PRELID2: variants seen among roughly 807,000 people sequenced by gnomAD.
The protein encoded by PRELID2 is PRELI domain containing 2.
PRELID2 carries 25 observed loss-of-function variants against 28.4 expected under a neutral mutation model. The observed-to-expected ratio is 0.88, with a 90% CI of 0.64 to 1.23. PRELID2 has a LOEUF of 1.23. PRELID2 is among the 50% of genes most tolerant of loss of function. The probability of loss-of-function intolerance (pLI) is 0.00; values close to 1 mark genes in which losing one functional copy is unlikely to be tolerated. For missense variants in PRELID2, 201 were observed against 214.4 expected, an observed-to-expected ratio of 0.94 and a Z score of 0.39; for synonymous variants, 76 against 71.6, an observed-to-expected ratio of 1.06 and a Z score of -0.31.
chr5:145,591,055 G>T (rs539121329), intron 1 of PRELID2, among the ~76,000 whole-genome samples: 1 of 152,254 alleles, frequency 6.6e-6, no homozygotes, highest in African/African-American at 2.4e-5. Flanking sequence ...CAGCACTTCA[G>T]GAGGCTGAGG....
At chr5:145,372,297 G>A in the PRELID2 span, among the ~76,000 whole-genome samples, 19 of 152,214 alleles carry the variant, frequency 1.2e-4, no homozygotes, top group Middle Eastern at 3.4e-3. Context: ...TTATTGCACT[G>A]TGGTCTAAGA....
the PRELID2 span, among the ~76,000 whole-genome samples, chr5:145,300,972 A>G: frequency 5.3e-5 from 8 of 152,008 alleles, no homozygotes; most frequent in Non-Finnish European, 1.0e-4. Context: ...CATTATGTAA[A>G]ATAGATTTTT....
intron 1 of PRELID2, among the ~76,000 whole-genome samples, chr5:145,740,902 A>ATAAAG (rs1491480453): frequency 1.2e-5 from 1 of 80,354 alleles, no homozygotes; most frequent in African/African-American, 4.2e-5. Context: ...TTATCGATAA[A>ATAAAG]TATATATGTA....
At chr5:145,237,981 C>A in the PRELID2 span, among the ~76,000 whole-genome samples, 8 of 152,116 alleles carry the variant, frequency 5.3e-5, no homozygotes, top group South Asian at 1.2e-3. Context: ...CTAGCTTACT[C>A]GAGGTTAGGC....
At chr5:145,589,706 T>C (rs940326635) in intron 1 of PRELID2, among the ~76,000 whole-genome samples, 3 of 152,172 alleles carry the variant, frequency 2.0e-5, no homozygotes, top group African/African-American at 7.2e-5. Context: ...TGAAGACATT[T>C]TTCTAACTGT....
At chr5:145,676,969 TGA>T (rs1320473438) in intron 1 of PRELID2, among the ~76,000 whole-genome samples, 1 of 152,042 alleles carries the variant, frequency 6.6e-6, no homozygotes, top group Non-Finnish European at 1.5e-5. Context: ...TTAAAATATA[TGA>T]GTCTTATTTT....
intron 1 of PRELID2, among the ~76,000 whole-genome samples, chr5:145,641,193 C>T (rs1217223854): frequency 1.3e-5 from 2 of 151,824 alleles, no homozygotes; most frequent in African/African-American, 4.8e-5. Context: ...AACAAAAAGA[C>T]ACCATCAATA....
At chr5:145,302,187 T>C in the PRELID2 span, among the ~76,000 whole-genome samples, 24,493 of 151,952 alleles carry the variant, frequency 0.16, 3,184 homozygotes, top group African/African-American at 0.37. Context: ...TCTGAGACAG[T>C]CTCACTTTGT....
the PRELID2 span, among the ~76,000 whole-genome samples, chr5:145,429,161 A>G: frequency 6.6e-6 from 1 of 152,182 alleles, no homozygotes; most frequent in Non-Finnish European, 1.5e-5. Context: ...AGAAGCAAGG[A>G]TAGAGATGGG....
chr5:145,734,917 T>C (rs1236424409), intron 1 of PRELID2, among the ~76,000 whole-genome samples: 3 of 152,184 alleles, frequency 2.0e-5, no homozygotes, highest in African/African-American at 4.8e-5. Flanking sequence ...AGTTTCTCTA[T>C]TTCCCAGAAG....
chr5:145,579,939 C>A (rs768840885), intron 1 of PRELID2, among the ~76,000 whole-genome samples: 1 of 152,052 alleles, frequency 6.6e-6, no homozygotes, highest in Non-Finnish European at 1.5e-5. Context: ...GCTCTGTATA[C>A]AACGAGTATT....
At chr5:145,772,484 T>C (rs1196686915) in intron 5 of PRELID2, among the ~76,000 whole-genome samples, 1 of 152,180 alleles carries the variant, frequency 6.6e-6, no homozygotes, top group East Asian at 1.9e-4. Context: ...GGCTGGGAAG[T>C]CTAAGATTGA....
chr5:145,740,052 TA>T (rs1177738170), intron 1 of PRELID2, among the ~76,000 whole-genome samples: 5 of 150,638 alleles, frequency 3.3e-5, no homozygotes, highest in Non-Finnish European at 7.4e-5. Context: ...AAGAGTGGCT[TA>T]AAAACCATGA....
chr5:145,516,319 A>C (rs1271924918), intron 1 of PRELID2, among the ~76,000 whole-genome samples: 2 of 152,236 alleles, frequency 1.3e-5, no homozygotes, highest in Non-Finnish European at 2.9e-5. Flanking sequence ...CAATGTGCAA[A>C]AATCACAAAC....
intron 1 of PRELID2, among the ~76,000 whole-genome samples, chr5:145,505,464 C>A (rs1341960815): frequency 6.6e-6 from 1 of 152,138 alleles, no homozygotes; most frequent in Non-Finnish European, 1.5e-5. Flanking sequence ...ACATCTTTTT[C>A]TTGATTACTA....
the PRELID2 span, among the ~76,000 whole-genome samples, chr5:145,425,527 T>C: frequency 2.0e-5 from 3 of 152,194 alleles, no homozygotes; most frequent in African/African-American, 4.8e-5. Context: ...AATGATAGAC[T>C]GAATACACAA....
chr5:145,369,735 C>A, the PRELID2 span, among the ~76,000 whole-genome samples: 3 of 152,136 alleles, frequency 2.0e-5, no homozygotes, highest in African/African-American at 4.8e-5. Context: ...TACATTCCCA[C>A]CAACAGTGTA....
the PRELID2 span, among the ~76,000 whole-genome samples, chr5:145,331,552 G>A: frequency 6.6e-6 from 1 of 152,076 alleles, no homozygotes; most frequent in African/African-American, 2.4e-5. Context: ...TTGGATGTTT[G>A]TTGGTTTAAA....
intron 1 of PRELID2, among the ~76,000 whole-genome samples, chr5:145,664,556 G>C (rs147774811): frequency 6.6e-6 from 1 of 152,176 alleles, no homozygotes; most frequent in East Asian, 1.9e-4. Context: ...TCTGTGGGGT[G>C]GGCCACTTCT....
Sources: allele counts gnomAD v4.1 joint callset (sites outside exome capture counted in the v4.1 genomes callset), GRCh38; gene constraint gnomAD v4.1.1; transcripts MANE v1.5; gene names NCBI Gene and HGNC (gene_info 2026-07-23, HGNC 2026-07-21).